The following PARD3B variants were observed in gnomAD, a reference collection of about 807,000 sequenced individuals.
The protein encoded by PARD3B is par-3 family cell polarity regulator beta.
Under a neutral mutation model 130.2 loss-of-function variants are expected in PARD3B, and 103 were observed. The observed-to-expected ratio is 0.79, with a 90% CI of 0.67 to 0.93. PARD3B has a LOEUF of 0.93. Ranked by LOEUF, PARD3B falls within the 40% of genes least tolerant of loss-of-function variation. The probability of loss-of-function intolerance (pLI) is 0.00; values close to 1 mark genes in which losing one functional copy is unlikely to be tolerated. For synonymous variants in PARD3B, 583 were observed against 553.2 expected, an observed-to-expected ratio of 1.05 and a Z score of -0.76; for missense variants, 1,609 against 1,499.2, an observed-to-expected ratio of 1.07 and a Z score of -1.21.
In PARD3B at chr2:205,461,727, G is replaced by A. The variant is rs1221322440; in HGVS notation, c.3044+21055G>A. On this transcript the variant is annotated intron_variant, in intron 20 of 22. Coordinates refer to ENST00000406610, the MANE Select transcript of PARD3B (RefSeq NM_001302769.2). The surrounding 1 kb of genome is among the most constrained non-coding windows in gnomAD (Gnocchi z 4.3). ...ACAGAAACCTTGGACTGCACCCACA[G>A]AGTTTCTGATTCAATAGGTCTGGGG... 6.6e-6 allele frequency among the ~76,000 whole-genome samples: 1 copy of A among 152,156 alleles called. No homozygotes were observed. The highest frequency in any genetic ancestry group is 1.5e-5 in the Non-Finnish European group (1 of 68,028).
Position 204,750,631 on chromosome 2 carries a change from T to TACAC in PARD3B, c.222+64357_222+64360dup, listed in dbSNP as rs370579605. On this transcript the variant is annotated intron_variant, in intron 2 of 22. Coordinates refer to ENST00000406610, the MANE Select transcript of PARD3B (RefSeq NM_001302769.2). ...ATACATACATACATACATACATACA[T>TACAC]ACACACACACATACATACATACATA... Among the ~76,000 whole-genome samples, 303 of 144,434 alleles carry TACAC rather than the reference T, an allele frequency of 2.1e-3. 2 individuals are homozygous for TACAC. Among genetic ancestry groups the TACAC allele is most frequent in the Non-Finnish European group, 3.5e-3 (235 of 66,400 alleles). 94.8% of individuals were successfully genotyped at this position (144,434 alleles called of 152,430 possible).
At chr2:205,319,947 G>A (rs1335907144) in intron 18 of PARD3B, among the ~76,000 whole-genome samples, 1 of 152,052 alleles carries the variant, frequency 6.6e-6, no homozygotes, top group Non-Finnish European at 1.5e-5. Flanking sequence ...GAGAGGCCAA[G>A]GCGGGCAGAT....
chr2:205,551,546 CCA>C (rs1305451555), intron 21 of PARD3B, among the ~76,000 whole-genome samples: 2 of 152,056 alleles, frequency 1.3e-5, no homozygotes, highest in African/African-American at 4.8e-5. Flanking sequence ...TCAGATAACC[CCA>C]GTGTCTCCTG....
chr2:205,317,832 A>T (rs1369269102), intron 18 of PARD3B, among the ~76,000 whole-genome samples: 1 of 152,168 alleles, frequency 6.6e-6, no homozygotes, highest in Non-Finnish European at 1.5e-5. Context: ...CTTTTCTGTT[A>T]TCTGAGTTTT....
In PARD3B at chr2:204,974,379, A is replaced by C. The variant is rs552526885; in HGVS notation, c.394+9056A>C. 2.0e-5 allele frequency among the ~76,000 whole-genome samples: 3 copies of C among 152,370 alleles called. No homozygotes were observed. In the South Asian group the frequency reaches 6.2e-4, roughly 32 times the overall value. ...ACCTTATCACAACCTATTTAAAATC[A>C]TAACACTTATATTTGGTGTTTTAAG... is the stretch of plus-strand genomic sequence containing the variant. On this transcript the variant is annotated intron_variant, in intron 3 of 22. Coordinates refer to ENST00000406610, the MANE Select transcript of PARD3B (RefSeq NM_001302769.2).
chr2:205,290,579 C>G (rs2041570916), intron 16 of PARD3B, among the ~76,000 whole-genome samples: 2 of 152,102 alleles, frequency 1.3e-5, no homozygotes, highest in Non-Finnish European at 2.9e-5. Flanking sequence ...TCACAAAATA[C>G]CTTTGGAAAT....
At chr2:205,071,292 T>C (rs945139188) in intron 4 of PARD3B, among the ~76,000 whole-genome samples, 1 of 152,194 alleles carries the variant, frequency 6.6e-6, no homozygotes, top group Admixed American at 6.5e-5. Flanking sequence ...AAGATCACTA[T>C]ATACCTTCAT....
intron 2 of PARD3B, among the ~76,000 whole-genome samples, chr2:204,711,660 C>T (rs10190242): frequency 0.018 from 2,737 of 152,168 alleles, 68 homozygotes; most frequent in African/African-American, 0.062. Flanking sequence ...TTTCTCCTGC[C>T]TCAGCCTCCT....
rs577719694 is a variant in PARD3B, at chr2:205,184,508, G to A, written c.1925-1256G>A. ...CTGTAATCCCAGCACTTTGGGAGGC[G>A]GAGATGAGTGGATCATGAGGTCAGG... On this transcript the variant is annotated intron_variant, in intron 13 of 22. Coordinates refer to ENST00000406610, the MANE Select transcript of PARD3B (RefSeq NM_001302769.2). 2.7e-4 allele frequency among the ~76,000 whole-genome samples: 41 copies of A among 152,118 alleles called. No individual in the cohort carries two copies. In the East Asian group the frequency reaches 6.2e-3, roughly 23 times the overall value.
chr2:205,431,187 G>A (rs754733134), intron 19 of PARD3B, among the ~76,000 whole-genome samples: 2 of 152,212 alleles, frequency 1.3e-5, no homozygotes, highest in Admixed American at 6.5e-5. Context: ...AGCAATTCTC[G>A]TGCCTCAGCC....
rs146112665 is a variant in PARD3B at position 205,567,988 on chromosome 2, T to C, written c.3260+14585T>C. 2.1e-3 allele frequency among the ~76,000 whole-genome samples: 322 copies of C among 152,276 alleles called. 1 individual carries two copies. The highest frequency in any genetic ancestry group is 7.0e-3 in the African/African-American group (289 of 41,546). On this transcript the variant is annotated intron_variant, in intron 22 of 22. Transcript: ENST00000406610. The stretch of plus-strand genomic sequence containing the variant: ...CAAGCATGTTGAGGTACTTAACTTT[T>C]GGTCCCATTTGTCATTGGTTAAGAG...
chr2:205,132,943 G>A (rs114091487), intron 10 of PARD3B, among the ~76,000 whole-genome samples: 503 of 152,084 alleles, frequency 3.3e-3, no homozygotes, highest in African/African-American at 9.8e-3. Flanking sequence ...TGAAAGCTAC[G>A]CATTACTAAA....
At position 205,125,604 on chromosome 2, in the gene PARD3B, A is replaced by T. The variant is rs1417944398; in HGVS notation, c.1306-5A>T. On this transcript the variant is annotated splice_polypyrimidine_tract_variant and splice_region_variant and intron_variant, in intron 9 of 22. Transcript: ENST00000406610. This position sits in a 1 kb window ranked among gnomAD's most constrained non-coding sequence, Gnocchi z 4.0. ...TGTGGCTGTTCATATGCTTTTATTC[A>T]TTAGGTAAATGGGAGAGATGTCACC... 1.9e-6 allele frequency: 3 copies of T among 1,613,622 alleles called. No individual in the cohort carries two copies. The highest frequency in any genetic ancestry group is 2.5e-6 in the Non-Finnish European group (3 of 1,179,816).
intron 4 of PARD3B, among the ~76,000 whole-genome samples, chr2:205,069,182 AG>A (rs1478151424): frequency 6.6e-6 from 1 of 151,800 alleles, no homozygotes; most frequent in Non-Finnish European, 1.5e-5. Context: ...GGCTGTTTTT[AG>A]TTGTCTACAG....
chr2:205,196,351 G>A (rs1486852796), intron 15 of PARD3B, among the ~76,000 whole-genome samples: 2 of 152,012 alleles, frequency 1.3e-5, no homozygotes, highest in African/African-American at 2.4e-5. Context: ...TTTTTGAGTC[G>A]TTTGTGTTTA....
chr2:205,569,068 G>C (rs2053467267), intron 22 of PARD3B, among the ~76,000 whole-genome samples: 1 of 152,108 alleles, frequency 6.6e-6, no homozygotes, highest in Non-Finnish European at 1.5e-5. Context: ...GAAAACCTAT[G>C]TCAATTTAAT....
chr2:204,648,377 G>C (rs1325769661), intron 1 of PARD3B, among the ~76,000 whole-genome samples: 2 of 150,248 alleles, frequency 1.3e-5, no homozygotes, highest in East Asian at 3.9e-4. Flanking sequence ...GTATTCCATT[G>C]TTGGATATAT....
intron 1 of PARD3B, among the ~76,000 whole-genome samples, chr2:204,648,131 G>C (rs1166057835): frequency 6.6e-6 from 1 of 151,630 alleles, no homozygotes; most frequent in East Asian, 1.9e-4. Context: ...AAGTACTGCT[G>C]CTTCTCAAAT....
chr2:205,237,213 C>G (rs2039103550), intron 15 of PARD3B, among the ~76,000 whole-genome samples: 1 of 152,106 alleles, frequency 6.6e-6, no homozygotes, highest in South Asian at 2.1e-4. Flanking sequence ...AATTCTCCTG[C>G]CTTAGCCTCC....
Sources: gnomAD v4.1 joint callset for allele counts (sites outside exome capture counted in the v4.1 genomes callset) on GRCh38, gnomAD v4.1.1 for gene constraint, Gnocchi (gnomAD v3.1) non-coding constraint, MANE v1.5 for transcripts, NCBI Gene and HGNC (gene_info 2026-07-23, HGNC 2026-07-21) for gene names.